The following EFHC2 variants were observed in gnomAD, a reference collection of about 807,000 sequenced individuals.
The protein encoded by EFHC2 is EF-hand domain-containing family member C2.
In EFHC2, 18 loss-of-function variants were observed where a neutral mutation model predicts 52.7. That is an observed-to-expected ratio of 0.34 (90% CI 0.24 to 0.51). The LOEUF (loss-of-function observed/expected upper bound fraction) is 0.51, where lower values mean the gene tolerates loss of function less well. Ranked by LOEUF, EFHC2 falls within the 20% of genes least tolerant of loss-of-function variation. EFHC2 has a pLI of 0.97. For missense variants in EFHC2, 513 were observed against 562.5 expected (o/e 0.91, Z 0.89); for synonymous variants, 203 against 204.1 (o/e 0.99, Z 0.04).
rs1348082751 is a variant in EFHC2 at position 44,335,791 on chromosome X, AT to A, written c.42+7755del. 5.4e-5 allele frequency among the ~76,000 whole-genome samples: 6 copies of A among 112,065 alleles called. No individual in the cohort carries two copies. In the South Asian group the frequency reaches 1.5e-3, roughly 27 times the overall value. ...ATTTTATCCTTAAATATATGTACATATTTTTTAGCCTTGCTTTAAGAGAATG... is the reference window on the plus strand; with the variant it reads ...ATTTTATCCTTAAATATATGTACATATTTTTAGCCTTGCTTTAAGAGAATG... On this transcript the variant is annotated intron_variant, in intron 1 of 14. Coordinates refer to ENST00000420999, the MANE Select transcript of EFHC2 (RefSeq NM_025184.4).
At chrX:44,201,448 T>A (rs2037005677) in intron 11 of EFHC2, among the ~76,000 whole-genome samples, 1 of 111,507 alleles carries the variant, frequency 9.0e-6, no homozygotes, top group African/African-American at 3.2e-5. Context: ...GTTAACAAGT[T>A]AAAATTTGGT....
At chrX:44,335,262 G>GT (rs201735427) in intron 1 of EFHC2, among the ~76,000 whole-genome samples, 39 of 108,299 alleles carry the variant, frequency 3.6e-4, no homozygotes, top group African/African-American at 1.2e-3. Context: ...ACTAAATAAA[G>GT]TTTTTTCTTT....
At chrX:44,343,513 G>A (rs751330654) in intron 1 of EFHC2, 34 bp downstream of exon 1, 23 of 1,178,785 alleles carry the variant, frequency 2.0e-5, no homozygotes, top group South Asian at 1.9e-5. Flanking sequence ...GACTCCAGCC[G>A]GGAGCTGTGA....
chrX:44,283,466 G>A (rs780631740), intron 2 of EFHC2, among the ~76,000 whole-genome samples: 44 of 111,224 alleles, frequency 4.0e-4, no homozygotes, highest in Admixed American at 1.7e-3. Context: ...ACAGGCGTAA[G>A]CCACGGCGCA....
At chrX:44,230,418 A>T (rs2037267546) in intron 10 of EFHC2, among the ~76,000 whole-genome samples, 1 of 111,690 alleles carries the variant, frequency 9.0e-6, no homozygotes, top group Non-Finnish European at 1.9e-5. Flanking sequence ...TTTAAAATAA[A>T]AATATTGATG....
intron 3 of EFHC2, among the ~76,000 whole-genome samples, chrX:44,266,653 A>G (rs2037580509): frequency 9.0e-6 from 1 of 111,464 alleles, no homozygotes; most frequent in Admixed American, 9.6e-5. Flanking sequence ...TAGTATAACT[A>G]TGTCCTATGC....
chrX:44,184,476 A>G (rs1307629588), intron 11 of EFHC2, among the ~76,000 whole-genome samples: 3 of 111,185 alleles, frequency 2.7e-5, no homozygotes, highest in Non-Finnish European at 5.7e-5. Context: ...TAATCCCAGC[A>G]CTTTGGGAGG....
chrX:44,162,316 G>A (rs1187273714), intron 14 of EFHC2, among the ~76,000 whole-genome samples: 5 of 111,233 alleles, frequency 4.5e-5, no homozygotes, highest in Admixed American at 9.5e-5. Context: ...CCAGCTATTC[G>A]GGAGGCTGAG....
chrX:44,244,831 A>G (rs1047002588), intron 7 of EFHC2, among the ~76,000 whole-genome samples: 2 of 112,027 alleles, frequency 1.8e-5, no homozygotes, highest in Non-Finnish European at 3.8e-5. Context: ...AAGAATGTCA[A>G]ATTACTAAGA....
At chrX:44,215,965 T>G (rs1314362500) in intron 11 of EFHC2, among the ~76,000 whole-genome samples, 1 of 112,147 alleles carries the variant, frequency 8.9e-6, no homozygotes, top group Non-Finnish European at 1.9e-5. Flanking sequence ...GAACAAGAGA[T>G]TCTTCCAAGA....
chrX:44,284,455 A>C (rs1325201565), intron 2 of EFHC2: 1 of 111,563 alleles, frequency 9.0e-6, no homozygotes, highest in Non-Finnish European at 1.9e-5. Flanking sequence ...GTGGCTCTTC[A>C]TTGTCTCTGA....
At position 44,250,176 on chromosome X, in the gene EFHC2, G is replaced by T; in HGVS notation, c.858+18C>A. On this transcript the variant is annotated intron_variant, in intron 5 of 14. Coordinates refer to ENST00000420999, the MANE Select transcript of EFHC2 (RefSeq NM_025184.4). ...TTGACCCACAAGCAAATTCAAAGTG[G>T]TTATATCCACTGCTCACCTTGGGTA... 1 of 1,204,225 alleles carries T rather than the reference G, an allele frequency of 8.3e-7. No individual in the cohort carries two copies. The highest frequency in any genetic ancestry group is 1.1e-6 in the Non-Finnish European group (1 of 891,123).
chrX:44,176,005 CT>C (rs757520354), intron 13 of EFHC2, among the ~76,000 whole-genome samples: 82 of 112,312 alleles, frequency 7.3e-4, no homozygotes, highest in African/African-American at 2.6e-3. Context: ...TAATGTCCTC[CT>C]AACCAACAAA....
chrX:44,228,009 C>T (rs2037246216), intron 11 of EFHC2, among the ~76,000 whole-genome samples: 1 of 112,197 alleles, frequency 8.9e-6, no homozygotes, highest in African/African-American at 3.2e-5. Context: ...ACTGGAAATA[C>T]AAACAGACTC....
intron 2 of EFHC2, among the ~76,000 whole-genome samples, chrX:44,290,836 C>T (rs1333473617): frequency 9.0e-6 from 1 of 111,679 alleles, no homozygotes; most frequent in Non-Finnish European, 1.9e-5. Context: ...GAATGCAGGG[C>T]CTGCTTTGAC....
intron 11 of EFHC2, among the ~76,000 whole-genome samples, chrX:44,181,468 T>C (rs1318382310): frequency 1.8e-5 from 2 of 111,781 alleles, no homozygotes; most frequent in Admixed American, 1.9e-4. Flanking sequence ...CTAGAAACTT[T>C]CCATACACCT....
At chrX:44,210,808 G>C (rs1303397054) in intron 11 of EFHC2, among the ~76,000 whole-genome samples, 1 of 112,169 alleles carries the variant, frequency 8.9e-6, no homozygotes, top group East Asian at 2.8e-4. Flanking sequence ...ATAATCCATA[G>C]AAGCAAAAAC....
intron 14 of EFHC2, among the ~76,000 whole-genome samples, chrX:44,160,696 C>T (rs2036645794): frequency 8.9e-6 from 1 of 111,764 alleles, no homozygotes; most frequent in Non-Finnish European, 1.9e-5. Flanking sequence ...CCGAGGCAGG[C>T]GGATCACAAA....
At chrX:44,245,198 A>T (rs770397823) in intron 7 of EFHC2, among the ~76,000 whole-genome samples, 1 of 111,808 alleles carries the variant, frequency 8.9e-6, no homozygotes, top group Non-Finnish European at 1.9e-5. Context: ...GTTCCTAAAA[A>T]TTCAGAGATG....
Sources: gnomAD v4.1 joint callset for allele counts (sites outside exome capture counted in the v4.1 genomes callset) on GRCh38, gnomAD v4.1.1 for gene constraint, MANE v1.5 for transcripts, NCBI Gene and HGNC (gene_info 2026-07-23, HGNC 2026-07-21) for gene names.